Variants in ATCAY observed in about 807,000 individuals in gnomAD.
ATCAY encodes the protein ATCAY kinesin light chain interacting caytaxin, also known as caytaxin.
In ATCAY, 22 loss-of-function variants were observed where a neutral mutation model predicts 47.7. The observed-to-expected ratio is 0.46, with a 90% CI of 0.33 to 0.66. The LOEUF (loss-of-function observed/expected upper bound fraction) is 0.66, where lower values mean the gene tolerates loss of function less well. Among genes scored for constraint, ATCAY ranks in the 30% least tolerant of loss-of-function variants. The pLI, the probability that ATCAY is intolerant of heterozygous loss-of-function variation, is 0.02. For missense variants in ATCAY, 452 were observed against 515.0 expected (o/e 0.88, Z 1.18); for synonymous variants, 216 against 207.6 (o/e 1.04, Z -0.35).
intron 6 of ATCAY, among the ~76,000 whole-genome samples, chr19:3,909,003 CAA>C (rs71166937): frequency 0.035 from 442 of 12,488 alleles, 22 homozygotes; most frequent in African/African-American, 0.21. Context: ...GAACCTGTCT[CAA>C]AAAAAAAAAA....
intron 2 of ATCAY, among the ~76,000 whole-genome samples, chr19:3,889,678 C>T (rs1335800166): frequency 1.3e-5 from 2 of 152,090 alleles, no homozygotes; most frequent in Non-Finnish European, 1.5e-5. Flanking sequence ...GAATCGGACG[C>T]CCATGGTTCA....
Position 3,925,115 on chromosome 19 carries a change from G to C in ATCAY, c.*523G>C, listed in dbSNP as rs2145272437. The C allele has an allele frequency of 6.5e-6, 1 of 154,100 alleles. No homozygotes were observed. Among genetic ancestry groups the C allele is most frequent in the African/African-American group, 2.4e-5 (1 of 41,558 alleles). The allele number at this position is 154,100 out of a possible 1,614,324, so 9.5% of individuals were successfully genotyped here. On this transcript the variant is annotated 3_prime_UTR_variant, in exon 13 of 13. Transcript: ENST00000450849. This position sits in a 1 kb window ranked among gnomAD's most constrained non-coding sequence, Gnocchi z 4.4. ...CCTATGAGGGCCACGTCCTGGGGTA[G>C]CTCCTGACCTCCGACCTTATGTCCA...
intron 12 of ATCAY, 161 bp downstream of exon 12, chr19:3,920,959 G>A (rs1481252672): frequency 1.7e-5 from 14 of 813,374 alleles, no homozygotes; most frequent in Admixed American, 6.1e-5. Context: ...ATGACTTATC[G>A]GGAGTGGGGG....
chr19:3,918,554 C>CAAAAA (rs762114179), intron 10 of ATCAY, among the ~76,000 whole-genome samples: 15 of 143,008 alleles, frequency 1.0e-4, no homozygotes, highest in African/African-American at 3.7e-4. Context: ...GATCCTGTCT[C>CAAAAA]AAAAAAAAAA....
chr19:3,882,162 G>A (rs137920025), intron 1 of ATCAY, among the ~76,000 whole-genome samples: 4 of 152,048 alleles, frequency 2.6e-5, no homozygotes. Context: ...CAGCCTGGAT[G>A]CCATGAGAGT....
At chr19:3,910,568 G>A (rs993132913) in intron 7 of ATCAY, among the ~76,000 whole-genome samples, 1 of 152,106 alleles carries the variant, frequency 6.6e-6, no homozygotes, top group Non-Finnish European at 1.5e-5. Context: ...GCACCATGGG[G>A]TCTCTACCTA....
chr19:3,885,109 TAAAAAAAAAA>T (rs34258948), intron 1 of ATCAY, among the ~76,000 whole-genome samples: 8 of 70,312 alleles, frequency 1.1e-4, no homozygotes, highest in African/African-American at 2.7e-4. Flanking sequence ...TTTTTTTTTT[TAAAAAAAAAA>T]AAAAAAAAAA....
rs746498111 is a variant in ATCAY at position 3,907,933 on chromosome 19, C to T, written c.544+14C>T. The T allele has an allele frequency of 6.8e-6, 11 of 1,609,396 alleles. No homozygotes were observed. In the South Asian group the frequency reaches 9.9e-5, roughly 15 times the overall value. ...TCACCCACGGAGGTGAGACCCGCCC[C>T]CCGGTGCCCCCTTGGGGCTCCAGCC... On this transcript the variant is annotated intron_variant, in intron 5 of 12. Transcript: ENST00000450849. This position sits in a 1 kb window ranked among gnomAD's most constrained non-coding sequence, Gnocchi z 5.1.
chr19:3,925,332 G>A lies in ATCAY; in HGVS notation c.*740G>A, dbSNP rs569661909. ...CCTTTAACTCAGATGTCAAGCCACCGGGCAAACCCCGTCAATACCTCCCAC... is the reference window on the plus strand; with the variant it reads ...CCTTTAACTCAGATGTCAAGCCACCAGGCAAACCCCGTCAATACCTCCCAC... On this transcript the variant is annotated 3_prime_UTR_variant, in exon 13 of 13. Coordinates refer to ENST00000450849, the MANE Select transcript of ATCAY (RefSeq NM_033064.5). This position sits in a 1 kb window ranked among gnomAD's most constrained non-coding sequence, Gnocchi z 4.4. 20 of 152,240 alleles carry A rather than the reference G, an allele frequency of 1.3e-4. No individual in the cohort carries two copies. Among genetic ancestry groups the A allele is most frequent in the East Asian group, 9.7e-4 (5 of 5,172 alleles). 9.4% of individuals were successfully genotyped at this position (152,240 alleles called of 1,614,324 possible).
chr19:3,887,473 T>A (rs117404694), intron 2 of ATCAY, among the ~76,000 whole-genome samples: 11,791 of 150,386 alleles, frequency 0.078, 603 homozygotes, highest in South Asian at 0.2. Context: ...TATTTTATTT[T>A]TTTTATTTTA....
chr19:3,908,060 G>A, intron 5 of ATCAY, 141 bp downstream of exon 5: 3 of 1,237,718 alleles, frequency 2.4e-6, no homozygotes, highest in Non-Finnish European at 3.4e-6. Context: ...GGCAAGGCGT[G>A]CATGGTCAGG....
intron 2 of ATCAY, among the ~76,000 whole-genome samples, chr19:3,899,487 T>A (rs1330636787): frequency 2.0e-5 from 3 of 151,840 alleles, no homozygotes; most frequent in East Asian, 3.9e-4. Flanking sequence ...ATAATTTTTG[T>A]ATTTTTCAGT....
At chr19:3,901,762 C>G (rs2038817966) in intron 2 of ATCAY, among the ~76,000 whole-genome samples, 1 of 151,980 alleles carries the variant, frequency 6.6e-6, no homozygotes, top group Non-Finnish European at 1.5e-5. Flanking sequence ...TTTGAGAGGC[C>G]GAGGTGGGCA....
intron 2 of ATCAY, among the ~76,000 whole-genome samples, chr19:3,892,195 T>C (rs2038724241): frequency 6.6e-6 from 1 of 150,632 alleles, no homozygotes; most frequent in Admixed American, 6.6e-5. Context: ...CAGCTGCTTG[T>C]AACTTTTTAA....
At chr19:3,887,483 A>T (rs139394197) in intron 2 of ATCAY, among the ~76,000 whole-genome samples, 10,678 of 148,850 alleles carry the variant, frequency 0.072, 490 homozygotes, top group South Asian at 0.2. Context: ...TTTTTATTTT[A>T]TTTATTTATT....
Position 3,907,684 on chromosome 19 carries a change from G to T in ATCAY, c.359-50G>T. The T allele has an allele frequency of 6.2e-7, 1 of 1,605,122 alleles. No individual in the cohort carries two copies. Among genetic ancestry groups the T allele is most frequent in the Non-Finnish European group, 8.5e-7 (1 of 1,174,654 alleles). On this transcript the variant is annotated intron_variant, in intron 4 of 12. Coordinates refer to ENST00000450849, the MANE Select transcript of ATCAY (RefSeq NM_033064.5). This position sits in a 1 kb window ranked among gnomAD's most constrained non-coding sequence, Gnocchi z 5.1. ...GAAGGAAGGCTGAGCAGGAGGGCAG[G>T]AGATATCCGGACTCTGGCGTCCATG...
intron 6 of ATCAY, among the ~76,000 whole-genome samples, chr19:3,909,117 A>T (rs11671126): frequency 3.2e-5 from 2 of 62,246 alleles, no homozygotes; most frequent in East Asian, 1.2e-3. Context: ...GGCGCCTGTA[A>T]TCCCAGCTAC....
intron 12 of ATCAY, 146 bp downstream of exon 12, chr19:3,920,944 G>A: frequency 1.0e-6 from 1 of 957,258 alleles, no homozygotes; most frequent in Admixed American, 2.0e-5. Flanking sequence ...CAGGAAAACT[G>A]CCCCATGACT....
At chr19:3,916,900 T>C (rs2038971050) in intron 9 of ATCAY, among the ~76,000 whole-genome samples, 1 of 151,508 alleles carries the variant, frequency 6.6e-6, no homozygotes, top group South Asian at 2.1e-4. Context: ...CTCCAGCTTC[T>C]ACGTTCAAGG....
Sources: allele counts gnomAD v4.1 joint callset (sites outside exome capture counted in the v4.1 genomes callset), GRCh38; gene constraint gnomAD v4.1.1; non-coding constraint Gnocchi (gnomAD v3.1); transcripts MANE v1.5; gene names NCBI Gene and HGNC (gene_info 2026-07-23, HGNC 2026-07-21).